The following NKAIN2 variants were observed in gnomAD, a reference collection of about 807,000 sequenced individuals.
NKAIN2 encodes sodium/potassium transporting ATPase interacting 2.
Under a neutral mutation model 32.6 loss-of-function variants are expected in NKAIN2, and 14 were observed. The observed-to-expected ratio is 0.43, with a 90% CI of 0.28 to 0.67. NKAIN2 has a LOEUF of 0.67. NKAIN2 is among the 30% of genes least tolerant of loss of function. The probability of loss-of-function intolerance (pLI) is 0.17; values close to 1 mark genes in which losing one functional copy is unlikely to be tolerated. For missense variants in NKAIN2, 198 were observed against 258.3 expected, an observed-to-expected ratio of 0.77 and a Z score of 1.60; for synonymous variants, 80 against 87.2, an observed-to-expected ratio of 0.92 and a Z score of 0.46.
intron 1 of NKAIN2, among the ~76,000 whole-genome samples, chr6:124,198,806 T>C (rs1790455238): frequency 6.6e-6 from 1 of 152,146 alleles, no homozygotes; most frequent in Non-Finnish European, 1.5e-5. Flanking sequence ...TTGTGTGTCC[T>C]GTATCTCCTT....
intron 1 of NKAIN2, among the ~76,000 whole-genome samples, chr6:124,219,268 CTTTTTTCTTTTTTTCT>C (rs1172208496): frequency 7.7e-6 from 1 of 129,272 alleles, no homozygotes; most frequent in Admixed American, 8.7e-5. Flanking sequence ...TTTTTATTTT[CTTTTTTCTTTTTTTCT>C]TTTTTTTTTT....
chr6:124,196,823 C>T (rs747476687), intron 1 of NKAIN2, among the ~76,000 whole-genome samples: 6 of 151,742 alleles, frequency 4.0e-5, no homozygotes, highest in Admixed American at 2.6e-4. Flanking sequence ...AAAGTTTATT[C>T]GTGCTTGCTT....
intron 1 of NKAIN2, among the ~76,000 whole-genome samples, chr6:124,263,493 C>G (rs575608230): frequency 1.3e-5 from 2 of 152,252 alleles, no homozygotes; most frequent in Non-Finnish European, 2.9e-5. Context: ...GACTCTGTAC[C>G]TATATTTCTC....
chr6:124,712,877 A>T lies in NKAIN2; in HGVS notation c.474+54491A>T, dbSNP rs1045617355. ...TTAAGAAGCTCTATTTCTTAAGCAG[A>T]ATAACATTGCATCTCACTATATAAT... On this transcript the variant is annotated intron_variant, in intron 4 of 6. Coordinates refer to ENST00000368417, the MANE Select transcript of NKAIN2 (RefSeq NM_001040214.3). Among the ~76,000 whole-genome samples, 11 of 152,062 alleles carry T rather than the reference A, an allele frequency of 7.2e-5. 1 individual carries two copies.
intron 3 of NKAIN2, among the ~76,000 whole-genome samples, chr6:124,633,009 A>G (rs2114316653): frequency 6.6e-6 from 1 of 152,292 alleles, no homozygotes; most frequent in African/African-American, 2.4e-5. Flanking sequence ...AAGAGCATTA[A>G]ATTTTTTTTT....
At chr6:124,206,860 A>C (rs1790909990) in intron 1 of NKAIN2, among the ~76,000 whole-genome samples, 1 of 151,796 alleles carries the variant, frequency 6.6e-6, no homozygotes, top group Admixed American at 6.6e-5. Context: ...TCCAGCCTCA[A>C]AACTTGGATC....
intron 1 of NKAIN2, among the ~76,000 whole-genome samples, chr6:124,247,051 G>A (rs954221416): frequency 2.0e-5 from 3 of 151,980 alleles, no homozygotes; most frequent in African/African-American, 7.2e-5. Context: ...AGAACCAGCA[G>A]GGAGATAGTG....
At chr6:124,541,281 T>C (rs1779901146) in intron 3 of NKAIN2, among the ~76,000 whole-genome samples, 1 of 152,162 alleles carries the variant, frequency 6.6e-6, no homozygotes, top group East Asian at 1.9e-4. Context: ...ATTATTGAAG[T>C]TAAAATATTG....
intron 1 of NKAIN2, among the ~76,000 whole-genome samples, chr6:124,060,519 C>T (rs528054812): frequency 1.6e-4 from 24 of 152,244 alleles, no homozygotes; most frequent in Middle Eastern, 3.4e-3. Context: ...GCCTGTGTTC[C>T]ATTTTGTACA....
intron 1 of NKAIN2, among the ~76,000 whole-genome samples, chr6:123,869,757 G>A (rs1267365036): frequency 1.3e-5 from 2 of 152,078 alleles, no homozygotes; most frequent in Non-Finnish European, 2.9e-5. Context: ...TACCCACTTA[G>A]GACAACAAGG....
intron 3 of NKAIN2, among the ~76,000 whole-genome samples, chr6:124,644,443 T>G (rs1283971256): frequency 6.6e-6 from 1 of 151,636 alleles, no homozygotes; most frequent in Non-Finnish European, 1.5e-5. Flanking sequence ...CTCGCTCTTT[T>G]GCCCAGGCTG....
chr6:123,872,111 A>T (rs1772920468), intron 1 of NKAIN2, among the ~76,000 whole-genome samples: 1 of 152,116 alleles, frequency 6.6e-6, no homozygotes, highest in African/African-American at 2.4e-5. Flanking sequence ...TATTATTATT[A>T]ATTTTTTTCA....
intron 1 of NKAIN2, among the ~76,000 whole-genome samples, chr6:124,197,546 T>G (rs917165792): frequency 2.0e-5 from 3 of 152,208 alleles, no homozygotes; most frequent in Non-Finnish European, 2.9e-5. Flanking sequence ...ATACCCTAAG[T>G]AGAAGTGGAA....
intron 1 of NKAIN2, among the ~76,000 whole-genome samples, chr6:124,210,232 G>A (rs369835414): frequency 6.6e-6 from 1 of 151,384 alleles, no homozygotes; most frequent in Non-Finnish European, 1.5e-5. Flanking sequence ...GTATGTTCTC[G>A]GCACTTTTTC....
At chr6:124,191,211 A>G (rs1790004427) in intron 1 of NKAIN2, among the ~76,000 whole-genome samples, 2 of 152,202 alleles carry the variant, frequency 1.3e-5, no homozygotes, top group African/African-American at 4.8e-5. Flanking sequence ...CACAAAATAT[A>G]TAGATCCAAA....
At chr6:124,151,551 A>G (rs916578379) in intron 1 of NKAIN2, among the ~76,000 whole-genome samples, 4 of 152,056 alleles carry the variant, frequency 2.6e-5, no homozygotes, top group South Asian at 4.1e-4. Flanking sequence ...TAACAAGTGT[A>G]ATTGCTAGGT....
At chr6:123,940,226 C>T (rs2114550925) in intron 1 of NKAIN2, among the ~76,000 whole-genome samples, 1 of 151,984 alleles carries the variant, frequency 6.6e-6, no homozygotes, top group African/African-American at 2.4e-5. Flanking sequence ...TACAAAAACA[C>T]TTAAAGCACA....
intron 4 of NKAIN2, among the ~76,000 whole-genome samples, chr6:124,716,020 T>A (rs1775734807): frequency 6.6e-6 from 1 of 152,216 alleles, no homozygotes; most frequent in African/African-American, 2.4e-5. Flanking sequence ...CTTATTTTTG[T>A]TCTCTCTTTT....
chr6:124,353,598 C>A (rs1323804522), intron 2 of NKAIN2, among the ~76,000 whole-genome samples: 1 of 151,826 alleles, frequency 6.6e-6, no homozygotes, highest in African/African-American at 2.4e-5. Context: ...ACTAAAAATA[C>A]AAAAAAATTA....
Sources: gnomAD v4.1 joint callset for allele counts (sites outside exome capture counted in the v4.1 genomes callset) on GRCh38, gnomAD v4.1.1 for gene constraint, MANE v1.5 for transcripts, NCBI Gene and HGNC (gene_info 2026-07-23, HGNC 2026-07-21) for gene names.